The following SLC39A12 variants were observed in gnomAD, a reference collection of about 807,000 sequenced individuals.
SLC39A12 encodes the protein solute carrier family 39 member 12.
In SLC39A12, 63 loss-of-function variants were observed where a neutral mutation model predicts 71.1. That is an observed-to-expected ratio of 0.89 (90% CI 0.72 to 1.09). The LOEUF (loss-of-function observed/expected upper bound fraction) is 1.09. Ranked by LOEUF, SLC39A12 falls within the 50% of genes least tolerant of loss-of-function variation. The pLI is 0.00. For synonymous variants in SLC39A12, 351 were observed against 301.3 expected (o/e 1.16, Z -1.71); for missense variants, 892 against 812.6 (o/e 1.10, Z -1.19).
chr10:17,980,549 G>A (rs1182378103), intron 5 of SLC39A12, among the ~76,000 whole-genome samples: 4 of 149,692 alleles, frequency 2.7e-5, no homozygotes, highest in African/African-American at 7.3e-5. Flanking sequence ...AGTACACAAC[G>A]TCAACCTTTA....
intron 8 of SLC39A12, among the ~76,000 whole-genome samples, chr10:17,991,666 C>T (rs959689751): frequency 2.0e-5 from 3 of 149,204 alleles, no homozygotes; most frequent in African/African-American, 7.3e-5. Context: ...CTCACAAAAT[C>T]ACATGTAATT....
chr10:17,967,459 C>A (rs570747956), intron 4 of SLC39A12, among the ~76,000 whole-genome samples: 6 of 152,138 alleles, frequency 3.9e-5, no homozygotes, highest in African/African-American at 1.2e-4. Flanking sequence ...GAAAAACTTC[C>A]CCTCGTCACT....
intron 12 of SLC39A12, among the ~76,000 whole-genome samples, chr10:18,037,696 C>T (rs1197920500): frequency 6.6e-6 from 1 of 152,024 alleles, no homozygotes; most frequent in East Asian, 1.9e-4. Context: ...GCCAGGACAA[C>T]CTGAAAGACC....
chr10:18,018,227 A>G (rs1836436218), intron 12 of SLC39A12, among the ~76,000 whole-genome samples: 1 of 152,194 alleles, frequency 6.6e-6, no homozygotes, highest in South Asian at 2.1e-4. Flanking sequence ...TTGAATATTA[A>G]CCATGTATTC....
chr10:18,030,484 C>T (rs922759690), intron 12 of SLC39A12, among the ~76,000 whole-genome samples: 2 of 152,004 alleles, frequency 1.3e-5, no homozygotes, highest in Non-Finnish European at 2.9e-5. Context: ...CGTGATCCGC[C>T]TGCCTCGGCC....
At chr10:18,006,427 G>A (rs1327102881) in intron 12 of SLC39A12, among the ~76,000 whole-genome samples, 1 of 152,218 alleles carries the variant, frequency 6.6e-6, no homozygotes, top group Non-Finnish European at 1.5e-5. Context: ...GGTGGCCAGA[G>A]GAAATTAATG....
chr10:18,037,149 T>C (rs1323941131), intron 12 of SLC39A12, among the ~76,000 whole-genome samples: 1 of 152,150 alleles, frequency 6.6e-6, no homozygotes. Context: ...TTTCCTCTTC[T>C]TGAATTACCT....
Position 17,961,655 on chromosome 10 carries a change from G to T in SLC39A12, c.336G>T (p.Gln112His), listed in dbSNP as rs149836059. The T allele has an allele frequency of 5.6e-6, 9 of 1,614,004 alleles. No individual in the cohort carries two copies. The African/African-American group carries it at 1.2e-4, about 22-fold the overall frequency. Residue 112 changes from glutamine to histidine, a missense_variant, in exon 3 of 13, where the codon CAG (glutamine) becomes CAT (histidine). Coordinates refer to ENST00000377369, the MANE Select transcript of SLC39A12 (RefSeq NM_001145195.2). ...FEDQLREEVV[Q>H]RVSLLLLYYI... ...ATCAGCTTAGAGAAGAAGTGGTCCA[G>T]AGAGTTTCTCTTCTCCTTCTCTATT...
Position 18,043,152 on chromosome 10 carries a change from G to T in SLC39A12, c.*319G>T, listed in dbSNP as rs1000146801. On this transcript the variant is annotated 3_prime_UTR_variant, in exon 13 of 13. Transcript: ENST00000377369. ...ATTTTTTCCCTAAGAAAGAATGTTT[G>T]TAGAATTTAAAGTGGACAGATGCCT... 8 of 161,780 alleles carry T rather than the reference G, an allele frequency of 4.9e-5. No individual in the cohort carries two copies. Among genetic ancestry groups the T allele is most frequent in the Non-Finnish European group, 1.1e-4 (8 of 74,562 alleles). 10.0% of individuals were successfully genotyped at this position (161,780 alleles called of 1,614,324 possible).
At chr10:17,995,762 A>G in intron 10 of SLC39A12, 40 bp downstream of exon 10, 1 of 1,540,556 alleles carries the variant, frequency 6.5e-7, no homozygotes, top group Non-Finnish European at 8.9e-7. Context: ...AAAGTGCCAT[A>G]GAAAAACAGT....
intron 6 of SLC39A12, among the ~76,000 whole-genome samples, chr10:17,985,296 T>C (rs1835371615): frequency 6.6e-6 from 1 of 152,162 alleles, no homozygotes; most frequent in South Asian, 2.1e-4. Context: ...CAAGCTGAGA[T>C]TGTGCCACAG....
intron 12 of SLC39A12, among the ~76,000 whole-genome samples, chr10:18,004,691 A>C (rs1210220597): frequency 6.6e-6 from 1 of 152,196 alleles, no homozygotes; most frequent in Non-Finnish European, 1.5e-5. Context: ...TCTAATTTTG[A>C]TAGTAAAGTG....
At chr10:18,001,367 A>G (rs1277861121) in intron 11 of SLC39A12, among the ~76,000 whole-genome samples, 4 of 152,146 alleles carry the variant, frequency 2.6e-5, no homozygotes, top group Admixed American at 1.3e-4. Context: ...ACAAAAACTT[A>G]GCCAGGTGTG....
chr10:17,964,686 A>G (rs1448943776), intron 3 of SLC39A12, among the ~76,000 whole-genome samples: 1 of 152,198 alleles, frequency 6.6e-6, no homozygotes, highest in Non-Finnish European at 1.5e-5. Context: ...ACCAGATTTG[A>G]CATGCAATGA....
chr10:18,036,771 TATATATATATATATATATATA>T (rs1240066329), intron 12 of SLC39A12, among the ~76,000 whole-genome samples: 4,466 of 46,986 alleles, frequency 0.095, 477 homozygotes, highest in Non-Finnish European at 0.12. Flanking sequence ...TATATATATA[TATATATATATATATATATATA>T]TATTTTTTTT....
At chr10:17,998,550 A>G (rs531941224) in intron 10 of SLC39A12, among the ~76,000 whole-genome samples, 3 of 152,316 alleles carry the variant, frequency 2.0e-5, no homozygotes, top group African/African-American at 7.2e-5. Context: ...CCCTGAATTC[A>G]AGAATTCAGT....
At chr10:17,981,702 C>T (rs1165763420) in intron 6 of SLC39A12, among the ~76,000 whole-genome samples, 1 of 152,194 alleles carries the variant, frequency 6.6e-6, no homozygotes, top group Non-Finnish European at 1.5e-5. Context: ...TTCCCAAGGA[C>T]ACACAGCTGG....
At chr10:17,961,486 A>T in intron 2 of SLC39A12, 95 bp from the exon 3 acceptor site, 2 of 1,215,394 alleles carry the variant, frequency 1.6e-6, no homozygotes, top group Non-Finnish European at 2.3e-6. Flanking sequence ...TGTTTATAAA[A>T]TGATAAGCAA....
At chr10:18,036,691 A>G (rs1327708832) in intron 12 of SLC39A12, among the ~76,000 whole-genome samples, 1 of 148,900 alleles carries the variant, frequency 6.7e-6, no homozygotes, top group Non-Finnish European at 1.5e-5. Flanking sequence ...ATCTTTTACA[A>G]CAAAGGCAGC....
Sources: gnomAD v4.1 joint callset for allele counts (sites outside exome capture counted in the v4.1 genomes callset) on GRCh38, gnomAD v4.1.1 for gene constraint, MANE v1.5 for transcripts, NCBI Gene and HGNC (gene_info 2026-07-23, HGNC 2026-07-21) for gene names.